ZRANB3: variants seen among roughly 807,000 people sequenced by gnomAD.
ZRANB3 encodes zinc finger RANBP2-type containing 3, also known as DNA annealing helicase and endonuclease ZRANB3.
A neutral mutation model predicts 133.8 loss-of-function variants in ZRANB3; 125 were observed. The ratio of observed to expected loss-of-function variants is 0.93; its 90% CI spans 0.81 to 1.08. The LOEUF (loss-of-function observed/expected upper bound fraction) is 1.08. Ranked by LOEUF, ZRANB3 falls within the 50% of genes least tolerant of loss-of-function variation. The pLI is 0.00. For synonymous variants in ZRANB3, 387 were observed against 432.7 expected (o/e 0.89, Z 1.31); for missense variants, 1,229 against 1,275.5 (o/e 0.96, Z 0.56).
rs1020262460 is a variant in ZRANB3, at chr2:135,408,173, C to A, written c.162-17353G>T. On this transcript the variant is annotated intron_variant, in intron 2 of 20. Coordinates refer to ENST00000264159, the MANE Select transcript of ZRANB3 (RefSeq NM_032143.4). ...TCAAAAAGTGGGCAAAGGATATGAA[C>A]AGACACTTCTCAAAAGAAGACGTTT... Among the ~76,000 whole-genome samples, 126 of 151,942 alleles carry A rather than the reference C, an allele frequency of 8.3e-4. 1 individual carries two copies. The highest frequency in any genetic ancestry group is 2.7e-3 in the African/African-American group (112 of 41,336).
At chr2:135,469,473 T>C (rs1411008762) in intron 2 of ZRANB3, among the ~76,000 whole-genome samples, 3 of 152,206 alleles carry the variant, frequency 2.0e-5, no homozygotes, top group African/African-American at 4.8e-5. Context: ...GTTAAGAACA[T>C]AATTAATAAA....
In ZRANB3 at chr2:135,390,824, GAA is replaced by G. The variant is rs201179629; in HGVS notation, c.162-6_162-5del. The G allele has an allele frequency of 0.048, 60,589 of 1,265,866 alleles. 158 individuals carry two copies. The highest frequency in any genetic ancestry group is 0.17 in the East Asian group (5,796 of 33,352). The allele number at this position is 1,265,866 out of a possible 1,614,324, so 78.4% of individuals were successfully genotyped here. Reference sequence around the variant, plus strand: ...TACTTCATCAGCCACCATACACCTGGAAAAAAAAAAAAAAAAAAATTAATTAT... The same window carrying G: ...TACTTCATCAGCCACCATACACCTGGAAAAAAAAAAAAAAAAATTAATTAT... On this transcript the variant is annotated splice_region_variant and splice_polypyrimidine_tract_variant and intron_variant, in intron 2 of 20. Coordinates refer to ENST00000264159, the MANE Select transcript of ZRANB3 (RefSeq NM_032143.4).
intron 15 of ZRANB3, among the ~76,000 whole-genome samples, chr2:135,222,662 GACTTTAGAGA>G (rs1694601565): frequency 6.6e-6 from 1 of 152,012 alleles, no homozygotes; most frequent in Non-Finnish European, 1.5e-5. Flanking sequence ...TTTCCATTAA[GACTTTAGAGA>G]AAATTGCTAA....
At chr2:135,236,076 C>A (rs978705296) in intron 12 of ZRANB3, among the ~76,000 whole-genome samples, 71 of 152,320 alleles carry the variant, frequency 4.7e-4, no homozygotes, top group African/African-American at 1.6e-3. Flanking sequence ...AGCCGATAGG[C>A]AACTTCAGCA....
intron 2 of ZRANB3, among the ~76,000 whole-genome samples, chr2:135,495,397 G>A (rs994830543): frequency 1.1e-4 from 17 of 152,224 alleles, no homozygotes; most frequent in African/African-American, 3.4e-4. Flanking sequence ...AAGTAAAGGA[G>A]TAAAAGAATG....
rs59739293 is a variant in ZRANB3 at position 135,287,670 on chromosome 2, C to CTTTTTTTTTTTTTTT, written c.967-11930_967-11916dup. On this transcript the variant is annotated intron_variant, in intron 8 of 20. Coordinates refer to ENST00000264159, the MANE Select transcript of ZRANB3 (RefSeq NM_032143.4). ...GTCCTTGGTTAGGTATATTTCTTTC[C>CTTTTTTTTTTTTTTT]TTTTTTTTTTTTTTTTTTGCAGCTA... is the stretch of plus-strand genomic sequence containing the variant. 1.2e-4 allele frequency among the ~76,000 whole-genome samples: 12 copies of CTTTTTTTTTTTTTTT among 98,050 alleles called. 1 individual carries two copies. The highest frequency in any genetic ancestry group is 3.9e-4 in the African/African-American group (9 of 22,858). The allele number at this position is 98,050 out of a possible 152,430, so 64.3% of individuals were successfully genotyped here.
chr2:135,516,677 C>T (rs1693712587), intron 1 of ZRANB3, among the ~76,000 whole-genome samples: 1 of 152,104 alleles, frequency 6.6e-6, no homozygotes, highest in African/African-American at 2.4e-5. Flanking sequence ...CCAGGTAACC[C>T]AGCCTTTCTC....
At position 135,332,549 on chromosome 2, in the gene ZRANB3, G is replaced by A. The variant is rs547248332; in HGVS notation, c.677+13001C>T. ...ATTCTGGTCACCCTTTTCCAGATATGTTTTCATTTGTTAAAATGCTTCTTA... is the reference window on the plus strand; with the variant it reads ...ATTCTGGTCACCCTTTTCCAGATATATTTTCATTTGTTAAAATGCTTCTTA... On this transcript the variant is annotated intron_variant, in intron 6 of 20. Coordinates refer to ENST00000264159, the MANE Select transcript of ZRANB3 (RefSeq NM_032143.4). 3.3e-5 allele frequency among the ~76,000 whole-genome samples: 5 copies of A among 152,096 alleles called. No homozygotes were observed. The South Asian group carries it at 8.3e-4, about 25-fold the overall frequency.
Position 135,200,249 on chromosome 2 carries a change from T to G in ZRANB3, c.*93A>C. 9.7e-7 allele frequency: 1 copy of G among 1,033,204 alleles called. No homozygotes were observed. Among genetic ancestry groups the G allele is most frequent in the Non-Finnish European group, 1.4e-6 (1 of 701,662 alleles). 64.0% of individuals were successfully genotyped at this position (1,033,204 alleles called of 1,614,324 possible). On this transcript the variant is annotated 3_prime_UTR_variant, in exon 21 of 21. Transcript: ENST00000264159. ...TTCTTGATTTTTGTTCTGAAAATTT[T>G]TACTCTCGATATATTAAACAAACAT... is the stretch of plus-strand genomic sequence containing the variant.
At chr2:135,355,515 G>A (rs1253515449) in intron 3 of ZRANB3, among the ~76,000 whole-genome samples, 2 of 151,822 alleles carry the variant, frequency 1.3e-5, no homozygotes, top group South Asian at 2.1e-4. Context: ...GCCCCACCAC[G>A]CCTGGCTAAT....
At chr2:135,301,098 CCTT>C (rs991303858) in intron 8 of ZRANB3, among the ~76,000 whole-genome samples, 1 of 152,068 alleles carries the variant, frequency 6.6e-6, no homozygotes, top group African/African-American at 2.4e-5. Flanking sequence ...GCAGCCTTGA[CCTT>C]CTGGGCTCAA....
intron 5 of ZRANB3, among the ~76,000 whole-genome samples, chr2:135,346,538 T>C (rs139304772): frequency 6.6e-6 from 1 of 151,666 alleles, no homozygotes; most frequent in Non-Finnish European, 1.5e-5. Flanking sequence ...ATCCATCCAT[T>C]CATTCATCCA....
At position 135,353,488 on chromosome 2, in the gene ZRANB3, T is replaced by C. The variant is rs975685888; in HGVS notation, c.321A>G (p.Pro107=). The C allele has an allele frequency of 2.5e-6, 4 of 1,606,534 alleles. No homozygotes were observed. The African/African-American group carries it at 4.0e-5, about 16-fold the overall frequency. The change falls in exon 4 of 21, where the codon CCA becomes CCG. Residue 107 remains proline (P), a synonymous_variant. Coordinates refer to ENST00000264159, the MANE Select transcript of ZRANB3 (RefSeq NM_032143.4). Reference sequence around the variant, plus strand: ...TATTCTGAATAACATTGATTTCTTCTGGACTTAGCTCTGGGATCCATTTTT... The same window carrying C: ...TATTCTGAATAACATTGATTTCTTCCGGACTTAGCTCTGGGATCCATTTTT... The part of the protein sequence containing the change: ...EIEKWIPELS[P]EEINVIQNKT...
chr2:135,387,422 CATTTA>C (rs1200644679), intron 3 of ZRANB3, among the ~76,000 whole-genome samples: 1 of 152,130 alleles, frequency 6.6e-6, no homozygotes, highest in Non-Finnish European at 1.5e-5. Context: ...TACTTCAGCA[CATTTA>C]ATTTATTAAC....
intron 2 of ZRANB3, among the ~76,000 whole-genome samples, chr2:135,425,797 A>G (rs1008834342): frequency 6.6e-6 from 1 of 152,144 alleles, no homozygotes; most frequent in African/African-American, 2.4e-5. Context: ...GAGAAACAAG[A>G]GCAAACCAAC....
chr2:135,224,626 C>A, intron 14 of ZRANB3, 109 bp from the exon 15 acceptor site: 1 of 649,142 alleles, frequency 1.5e-6, no homozygotes, highest in Non-Finnish European at 2.5e-6. Context: ...ATCAAAATAT[C>A]AATATATTTA....
intron 2 of ZRANB3, among the ~76,000 whole-genome samples, chr2:135,416,087 A>G (rs1193877820): frequency 6.6e-6 from 1 of 152,070 alleles, no homozygotes; most frequent in Non-Finnish European, 1.5e-5. Context: ...TATTCAACAT[A>G]GTGTTGGAAG....
chr2:135,256,662 T>C (rs1380969898), intron 12 of ZRANB3, among the ~76,000 whole-genome samples: 1 of 152,192 alleles, frequency 6.6e-6, no homozygotes, highest in Non-Finnish European at 1.5e-5. Flanking sequence ...AATATTCCAC[T>C]GCATGTGTCA....
chr2:135,483,658 T>G (rs1343187794), intron 2 of ZRANB3, among the ~76,000 whole-genome samples: 1 of 152,150 alleles, frequency 6.6e-6, no homozygotes. Context: ...TGCTAGCTTT[T>G]GAATGTGTTT....
Sources: allele counts gnomAD v4.1 joint callset (sites outside exome capture counted in the v4.1 genomes callset), GRCh38; gene constraint gnomAD v4.1.1; transcripts MANE v1.5; gene names NCBI Gene and HGNC (gene_info 2026-07-23, HGNC 2026-07-21).